PDS5A: variants seen among roughly 807,000 people sequenced by gnomAD.
PDS5A encodes the protein PDS5 cohesin associated factor A, also known as sister chromatid cohesion protein PDS5 homolog A.
Under a neutral mutation model 167.1 loss-of-function variants are expected in PDS5A, and 42 were observed. That is an observed-to-expected ratio of 0.25 (90% CI 0.20 to 0.33). The LOEUF (loss-of-function observed/expected upper bound fraction) is 0.33, where lower values mean the gene tolerates loss of function less well. Ranked by LOEUF, PDS5A falls within the 10% of genes least tolerant of loss-of-function variation. The probability of loss-of-function intolerance (pLI) is 1.00; values close to 1 mark genes in which losing one functional copy is unlikely to be tolerated. For missense variants in PDS5A, 1,033 were observed against 1,605.9 expected (o/e 0.64, Z 6.10); for synonymous variants, 553 against 554.6 (o/e 1.00, Z 0.04).
At chr4:39,885,039 G>A (rs1275769705) in intron 17 of PDS5A, among the ~76,000 whole-genome samples, 1 of 152,106 alleles carries the variant, frequency 6.6e-6, no homozygotes, top group Non-Finnish European at 1.5e-5. Context: ...GAGGTGGGCA[G>A]ATTGCTTGAG....
chr4:39,956,113 C>G (rs1261691930), intron 2 of PDS5A, among the ~76,000 whole-genome samples: 1 of 148,992 alleles, frequency 6.7e-6, no homozygotes, highest in Non-Finnish European at 1.5e-5. Context: ...CTGAGACTGC[C>G]TCTCAAAAAA....
chr4:39,923,111 C>G (rs1228121980), intron 5 of PDS5A, among the ~76,000 whole-genome samples: 2 of 151,892 alleles, frequency 1.3e-5, no homozygotes, highest in East Asian at 3.9e-4. Flanking sequence ...GGTGGATCAC[C>G]TGACATCAGG....
At chr4:39,880,723 A>T (rs1438970678) in intron 17 of PDS5A, among the ~76,000 whole-genome samples, 1 of 152,210 alleles carries the variant, frequency 6.6e-6, no homozygotes, top group Non-Finnish European at 1.5e-5. Context: ...TGATGTTTCC[A>T]GACATATAAT....
At chr4:39,975,863 G>A (rs1172534087) in intron 2 of PDS5A, among the ~76,000 whole-genome samples, 3 of 152,118 alleles carry the variant, frequency 2.0e-5, no homozygotes, top group African/African-American at 7.2e-5. Context: ...TTAACCTTAG[G>A]ACTGCCATGC....
chr4:39,912,491 T>C (rs750787188), intron 9 of PDS5A, among the ~76,000 whole-genome samples: 1 of 152,242 alleles, frequency 6.6e-6, no homozygotes, highest in Non-Finnish European at 1.5e-5. Flanking sequence ...CATTTATTCC[T>C]ATAAGACCTT....
intron 2 of PDS5A, among the ~76,000 whole-genome samples, chr4:39,963,578 G>A (rs1384068349): frequency 6.6e-6 from 1 of 152,182 alleles, no homozygotes; most frequent in Non-Finnish European, 1.5e-5. Context: ...GGGCACAGTG[G>A]CTCATGCCTA....
intron 10 of PDS5A, chr4:39,908,802 CAGGT>C: frequency 5.2e-6 from 2 of 387,782 alleles, no homozygotes; most frequent in South Asian, 6.9e-5. Context: ...GGCAGGCAGG[CAGGT>C]CGCACAAGCT....
intron 2 of PDS5A, among the ~76,000 whole-genome samples, chr4:39,945,020 C>T (rs746201386): frequency 1.3e-5 from 2 of 152,084 alleles, no homozygotes; most frequent in Non-Finnish European, 2.9e-5. Flanking sequence ...GTATTGTGTT[C>T]CTGCTATGCG....
At chr4:39,882,017 T>A (rs990260506) in intron 17 of PDS5A, among the ~76,000 whole-genome samples, 3 of 152,190 alleles carry the variant, frequency 2.0e-5, no homozygotes, top group Admixed American at 6.5e-5. Flanking sequence ...TGCTCTTGCT[T>A]CATCTTCCAC....
At chr4:39,841,887 C>T in intron 31 of PDS5A, 61 bp downstream of exon 31, 1 of 883,438 alleles carries the variant, frequency 1.1e-6, no homozygotes, top group South Asian at 1.4e-5. Flanking sequence ...TTTCTTATCC[C>T]TACGGAAAAA....
intron 26 of PDS5A, among the ~76,000 whole-genome samples, chr4:39,860,342 G>A (rs539063917): frequency 1.3e-5 from 2 of 152,114 alleles, no homozygotes; most frequent in Non-Finnish European, 2.9e-5. Flanking sequence ...GTACACGTCT[G>A]TAGTGCTAAC....
intron 14 of PDS5A, 30 bp from the exon 15 acceptor site, chr4:39,898,855 ACT>A: frequency 6.7e-7 from 1 of 1,489,474 alleles, no homozygotes; most frequent in Non-Finnish European, 9.3e-7. Flanking sequence ...CAAAAGAACA[ACT>A]AGTCATATGT....
At chr4:39,944,707 A>C (rs1272131426) in intron 2 of PDS5A, among the ~76,000 whole-genome samples, 4 of 151,818 alleles carry the variant, frequency 2.6e-5, no homozygotes, top group African/African-American at 4.8e-5. Context: ...AAAAAAAAAA[A>C]AAAACAAAAA....
At chr4:39,946,765 A>T (rs1227862817) in intron 2 of PDS5A, among the ~76,000 whole-genome samples, 2 of 151,554 alleles carry the variant, frequency 1.3e-5, no homozygotes, top group African/African-American at 4.9e-5. Flanking sequence ...AAATACAAAA[A>T]ATCAGTCAGG....
At chr4:39,922,290 A>C (rs1725056604) in intron 6 of PDS5A, among the ~76,000 whole-genome samples, 1 of 152,250 alleles carries the variant, frequency 6.6e-6, no homozygotes, top group Admixed American at 6.5e-5. Context: ...ATCTATGTTA[A>C]AAAGGAGGAA....
At chr4:39,953,857 T>C (rs1484772010) in intron 2 of PDS5A, among the ~76,000 whole-genome samples, 1 of 152,178 alleles carries the variant, frequency 6.6e-6, no homozygotes, top group African/African-American at 2.4e-5. Context: ...TCTGCATTTG[T>C]CCTATTGTGA....
intron 1 of PDS5A, among the ~76,000 whole-genome samples, chr4:39,976,927 C>T (rs985566206): frequency 6.6e-6 from 1 of 152,194 alleles, no homozygotes; most frequent in African/African-American, 2.4e-5. Context: ...TTGGCGGCCC[C>T]GGGAGGCCGG....
chr4:39,974,473 G>A, intron 2 of PDS5A: 2 of 277,584 alleles, frequency 7.2e-6, no homozygotes, highest in South Asian at 3.5e-5. Flanking sequence ...CCAAAACAGT[G>A]TAACTTTTAG....
At chr4:39,892,995 A>G (rs1357119781) in intron 16 of PDS5A, among the ~76,000 whole-genome samples, 2 of 152,226 alleles carry the variant, frequency 1.3e-5, no homozygotes, top group African/African-American at 4.8e-5. Context: ...GAGGTTGATA[A>G]TATTTATAGG....
Sources: allele counts gnomAD v4.1 joint callset (sites outside exome capture counted in the v4.1 genomes callset), GRCh38; gene constraint gnomAD v4.1.1; transcripts MANE v1.5; gene names NCBI Gene and HGNC (gene_info 2026-07-23, HGNC 2026-07-21).